The following CSF3R variants were observed in gnomAD, a reference collection of about 807,000 sequenced individuals.
CSF3R encodes the protein colony stimulating factor 3 receptor, also known as granulocyte colony-stimulating factor receptor.
A neutral mutation model predicts 84.4 loss-of-function variants in CSF3R; 52 were observed. The ratio of observed to expected loss-of-function variants is 0.62; its 90% CI spans 0.49 to 0.78. The LOEUF (loss-of-function observed/expected upper bound fraction) is 0.78, where lower values mean the gene tolerates loss of function less well. Among genes scored for constraint, CSF3R ranks in the 30% least tolerant of loss-of-function variants. The probability of loss-of-function intolerance (pLI) is 0.00; values close to 1 mark genes in which losing one functional copy is unlikely to be tolerated. For synonymous variants in CSF3R, 384 were observed against 429.1 expected, an observed-to-expected ratio of 0.89 and a Z score of 1.30; for missense variants, 890 against 1,055.7, an observed-to-expected ratio of 0.84 and a Z score of 2.17.
At chr1:36,474,997 C>CTT (rs370292260) in intron 4 of CSF3R, among the ~76,000 whole-genome samples, 9 of 147,456 alleles carry the variant, frequency 6.1e-5, no homozygotes, top group Admixed American at 1.4e-4. Flanking sequence ...AGGTAGTACT[C>CTT]TTTTTTTTTT....
At chr1:36,468,911 G>A (rs1447575051) in intron 12 of CSF3R, 1 of 516,734 alleles carries the variant, frequency 1.9e-6, no homozygotes, top group African/African-American at 1.9e-5. Flanking sequence ...TCTGGGAAAT[G>A]GTTTGATTTT....
intron 11 of CSF3R, 95 bp downstream of exon 11, chr1:36,469,557 T>G: frequency 7.1e-7 from 1 of 1,405,788 alleles, no homozygotes; most frequent in Non-Finnish European, 1.0e-6. Flanking sequence ...AGAATCCATG[T>G]CTCTTGGGCA....
Position 36,473,615 on chromosome 1 carries a change from C to T in CSF3R, c.493G>A (p.Gly165Ser), listed in dbSNP as rs764596230. The part of the protein sequence containing the change: ...SFTLKSFKSR[G>S]NCQTQGDSIL... ...GAGTCCCCTTGGGTCTGACAGTTGC[C>T]CCGGCTCCTGCCAATAGTCCAGGCT... Residue 165 changes from glycine (G) to serine (S), a missense_variant, in exon 6 of 17, where the codon GGC becomes AGC. Coordinates refer to ENST00000373106, the MANE Select transcript of CSF3R (RefSeq NM_000760.4). 1 of 1,613,898 alleles carries T rather than the reference C, an allele frequency of 6.2e-7. No individual in the cohort carries two copies. The highest frequency in any genetic ancestry group is 8.5e-7 in the Non-Finnish European group (1 of 1,180,052).
At position 36,467,773 on chromosome 1, in the gene CSF3R, G is replaced by T. The variant is rs200013408; in HGVS notation, c.1864+49C>A. 13 of 1,614,022 alleles carry T rather than the reference G, an allele frequency of 8.1e-6. No individual in the cohort carries two copies. The highest frequency in any genetic ancestry group is 1.3e-5 in the African/African-American group (1 of 75,048). On this transcript the variant is annotated intron_variant, in intron 14 of 16. Transcript: ENST00000373106. This position sits in a 1 kb window ranked among gnomAD's most constrained non-coding sequence, Gnocchi z 4.1. ...CTCTCAAAATCAGCATCCTTTGGGT[G>T]GGGTACCCTCCAAACAGCCATCTCT...
At position 36,469,236 on chromosome 1, in the gene CSF3R, A is replaced by C; in HGVS notation, c.1496T>G (p.Leu499Arg). The C allele has an allele frequency of 6.2e-7, 1 of 1,614,014 alleles. No homozygotes were observed. Among genetic ancestry groups the C allele is most frequent in the Non-Finnish European group, 8.5e-7 (1 of 1,179,928 alleles). Residue 499 changes from leucine to arginine, a missense_variant, in exon 12 of 17, where the codon CTC becomes CGC. Transcript: ENST00000373106. Reference protein sequence around the residue: ...LLKENIRPFQLYEIIVTPLYQ... With the variant: ...LLKENIRPFQRYEIIVTPLYQ... ...CAAGGGAGTCACGATGATCTCATAGAGCTGAAAGGGCCTGATGTTCTCTGT... is the reference window on the plus strand; with the variant it reads ...CAAGGGAGTCACGATGATCTCATAGCGCTGAAAGGGCCTGATGTTCTCTGT...
chr1:36,479,627 C>T (rs187516232), intron 2 of CSF3R, 111 bp from the exon 3 acceptor site: 35 of 822,244 alleles, frequency 4.3e-5, no homozygotes, highest in African/African-American at 4.2e-4. Flanking sequence ...TCTGAGCCTT[C>T]GTTTCTTTGC....
intron 3 of CSF3R, among the ~76,000 whole-genome samples, chr1:36,476,740 A>T (rs1157594357): frequency 6.7e-6 from 1 of 149,662 alleles, no homozygotes; most frequent in East Asian, 2.0e-4. Flanking sequence ...GGCTCAGTGC[A>T]CCCTTGACCT....
Position 36,469,824 on chromosome 1 carries a change from T to A in CSF3R, c.1302A>T (p.Arg434Ser). 2 of 1,613,674 alleles carry A rather than the reference T, an allele frequency of 1.2e-6. No homozygotes were observed. The highest frequency in any genetic ancestry group is 1.7e-6 in the Non-Finnish European group (2 of 1,179,932). ...GAGGGTCTCGGGCCATGGCATGGAGTCTGGTCAGAGCTGGGCCTGGAGACA... is the reference window on the plus strand; with the variant it reads ...GAGGGTCTCGGGCCATGGCATGGAGACTGGTCAGAGCTGGGCCTGGAGACA... ...FSESRGPALT[R>S]LHAMARDPHS... Residue 434 changes from arginine to serine, a missense_variant, in exon 11 of 17, where the codon AGA (arginine) becomes AGT (serine). Physicochemically the swap from Arg to Ser is moderately radical, Grantham distance 110. Transcript: ENST00000373106.
At chr1:36,480,397 C>A (rs1419830412) in intron 2 of CSF3R, among the ~76,000 whole-genome samples, 2 of 152,238 alleles carry the variant, frequency 1.3e-5, no homozygotes, top group African/African-American at 2.4e-5. Context: ...TGGGCACAGA[C>A]CTCTGGTGGC....
intron 1 of CSF3R, among the ~76,000 whole-genome samples, chr1:36,482,364 A>T (rs762916842): frequency 6.6e-6 from 1 of 151,914 alleles, no homozygotes; most frequent in Non-Finnish European, 1.5e-5. Context: ...AGAGTTTAAG[A>T]TTCAAGAGAT....
Position 36,468,118 on chromosome 1 carries a change from G to C in CSF3R, c.1680C>G (p.Thr560=), listed in dbSNP as rs748313890. 9 of 1,614,102 alleles carry C rather than the reference G, an allele frequency of 5.6e-6. No individual in the cohort carries two copies. The highest frequency in any genetic ancestry group is 1.6e-4 in the Middle Eastern group (1 of 6,084). ...CGTTGGTCCAGAAGATGGTGTAGTG[G>C]GTAAGGGGGCTCTTCCCCAGCTCAG... ...EPPELGKSPL[T]HYTIFWTNAQ... is the part of the protein sequence containing the mutation. Residue 560 remains threonine, a synonymous_variant, in exon 13 of 17, where the codon ACC becomes ACG. Coordinates refer to ENST00000373106, the MANE Select transcript of CSF3R (RefSeq NM_000760.4).
chr1:36,474,079 G>GGCAT (rs1293538248), intron 4 of CSF3R, among the ~76,000 whole-genome samples, 192 bp from the exon 5 acceptor site: 2 of 152,202 alleles, frequency 1.3e-5, no homozygotes, highest in African/African-American at 4.8e-5. Context: ...CATGCACCGG[G>GGCAT]GCAAGCATCA....
Position 36,467,746 on chromosome 1 carries a change from T to C in CSF3R, c.1864+76A>G. The C allele has an allele frequency of 6.2e-7, 1 of 1,613,398 alleles. No individual in the cohort carries two copies. Among genetic ancestry groups the C allele is most frequent in the Admixed American group, 1.7e-5 (1 of 60,036 alleles). The stretch of plus-strand genomic sequence containing the variant: ...AGGGGATTCAAAGTCAGTCCCCAGC[T>C]ACTCTCAAAATCAGCATCCTTTGGG... On this transcript the variant is annotated intron_variant, in intron 14 of 16. Coordinates refer to ENST00000373106, the MANE Select transcript of CSF3R (RefSeq NM_000760.4). This position sits in a 1 kb window ranked among gnomAD's most constrained non-coding sequence, Gnocchi z 4.1.
At chr1:36,477,883 C>T (rs3917934) in intron 3 of CSF3R, among the ~76,000 whole-genome samples, 6,343 of 152,044 alleles carry the variant, frequency 0.042, 184 homozygotes, top group East Asian at 0.075. Flanking sequence ...CTCAGCCTCC[C>T]GAGTAGCTAG....
chr1:36,473,863 A>T lies in CSF3R; in HGVS notation c.386T>A (p.Leu129His). 6.2e-7 allele frequency: 1 copy of T among 1,613,760 alleles called. No individual in the cohort carries two copies. ...AGYPPAIPHNLSCLMNLTTSS... is the reference protein window; with the variant it reads ...AGYPPAIPHNHSCLMNLTTSS... ...GGTTGTGAGGTTCATGAGGCAGGAG[A>T]GGTTGTGGGGTATGGCTGGAGGGTC... is the stretch of plus-strand genomic sequence containing the variant. Residue 129 changes from leucine (L) to histidine (H), a missense_variant, in exon 5 of 17, where the codon CTC becomes CAC. Coordinates refer to ENST00000373106, the MANE Select transcript of CSF3R (RefSeq NM_000760.4).
At position 36,466,740 on chromosome 1, in the gene CSF3R, C is replaced by T. The variant is rs1239590784; in HGVS notation, c.2128G>A (p.Glu710Lys). The T allele has an allele frequency of 4.3e-6, 7 of 1,614,090 alleles. No homozygotes were observed. Among genetic ancestry groups the T allele is most frequent in the Non-Finnish European group, 5.9e-6 (7 of 1,180,050 alleles). The change falls in exon 17 of 17, where the codon GAG becomes AAG. Residue 710 changes from glutamate (E) to lysine (K), a missense_variant. By Grantham distance (56) the Glu-to-Lys change is moderately conservative. Coordinates refer to ENST00000373106, the MANE Select transcript of CSF3R (RefSeq NM_000760.4). The surrounding 1 kb of genome is among the most constrained non-coding windows in gnomAD (Gnocchi z 4.6). ...EEDEKKPVPW[E>K]SHNSSETCGL... ...CAGGTCTCTGAGCTGTTATGGGACT[C>T]CCAGGGCACCGGCTTCTTTTCATCC...
chr1:36,466,755 T>C lies in CSF3R; in HGVS notation c.2113A>G (p.Lys705Glu). Residue 705 changes from lysine (K) to glutamate (E), a missense_variant, in exon 17 of 17, where the codon AAG (lysine) becomes GAG (glutamate). Physicochemically the swap from Lys to Glu is moderately conservative, Grantham distance 56 (BLOSUM62 1). Coordinates refer to ENST00000373106, the MANE Select transcript of CSF3R (RefSeq NM_000760.4). The surrounding 1 kb of genome is among the most constrained non-coding windows in gnomAD (Gnocchi z 4.6). ...KLTVLEEDEK[K>E]PVPWESHNSS... ...TTATGGGACTCCCAGGGCACCGGCT[T>C]CTTTTCATCCTCCTCCAGCACTGTG... 1.2e-6 allele frequency: 2 copies of C among 1,614,200 alleles called. No homozygotes were observed. The highest frequency in any genetic ancestry group is 1.7e-6 in the Non-Finnish European group (2 of 1,180,020).
At chr1:36,478,247 G>A (rs1403768995) in intron 3 of CSF3R, among the ~76,000 whole-genome samples, 1 of 152,040 alleles carries the variant, frequency 6.6e-6, no homozygotes, top group Non-Finnish European at 1.5e-5. Context: ...CATGCCACAG[G>A]GCTGGGCGCG....
intron 4 of CSF3R, among the ~76,000 whole-genome samples, chr1:36,474,302 T>G (rs3917963): frequency 0.028 from 4,307 of 151,790 alleles, 92 homozygotes; most frequent in East Asian, 0.065. Flanking sequence ...TCACAAGGGC[T>G]AAATGACTCA....
Sources: gnomAD v4.1 joint callset for allele counts (sites outside exome capture counted in the v4.1 genomes callset) on GRCh38, gnomAD v4.1.1 for gene constraint, Gnocchi (gnomAD v3.1) non-coding constraint, MANE v1.5 for transcripts, NCBI Gene and HGNC (gene_info 2026-07-23, HGNC 2026-07-21) for gene names.